The following HACE1 variants were observed in gnomAD, a reference collection of about 807,000 sequenced individuals.
The protein encoded by HACE1 is HECT domain and ankyrin repeat containing E3 ubiquitin protein ligase 1.
HACE1 carries 73 observed loss-of-function variants against 118.4 expected under a neutral mutation model. The ratio of observed to expected loss-of-function variants is 0.62; its 90% CI spans 0.51 to 0.75. The LOEUF (loss-of-function observed/expected upper bound fraction) is 0.75, where lower values mean the gene tolerates loss of function less well. Among genes scored for constraint, HACE1 ranks in the 30% least tolerant of loss-of-function variants. The pLI is 0.00. For missense variants in HACE1, 749 were observed against 1,102.2 expected (o/e 0.68, Z 4.54); for synonymous variants, 368 against 374.8 (o/e 0.98, Z 0.21).
chr6:104,858,407 A>G (rs1776955747), intron 1 of HACE1: 1 of 267,066 alleles, frequency 3.7e-6, no homozygotes, highest in African/African-American at 2.3e-5. Context: ...TTTTTCAAGA[A>G]GATTATCCCC....
intron 6 of HACE1, among the ~76,000 whole-genome samples, chr6:104,816,744 G>T (rs1049519745): frequency 6.6e-6 from 1 of 152,114 alleles, no homozygotes; most frequent in African/African-American, 2.4e-5. Flanking sequence ...AGCTTGCATA[G>T]TGCACCTGAA....
chr6:104,771,448 A>T (rs748578236), intron 18 of HACE1, 59 bp from the exon 19 acceptor site: 2 of 1,052,850 alleles, frequency 1.9e-6, no homozygotes, highest in Non-Finnish European at 2.9e-6. Flanking sequence ...TATCTATTTA[A>T]TGGTAAAATA....
chr6:104,780,664 C>A (rs1485612115), intron 14 of HACE1, among the ~76,000 whole-genome samples: 1 of 152,086 alleles, frequency 6.6e-6, no homozygotes, highest in African/African-American at 2.4e-5. Context: ...TTCCTACAAA[C>A]AAGGGAATTT....
intron 1 of HACE1, among the ~76,000 whole-genome samples, chr6:104,854,309 T>C (rs924328678): frequency 2.6e-5 from 4 of 152,126 alleles, no homozygotes; most frequent in Admixed American, 6.5e-5. Context: ...TAAATGACAT[T>C]AGTGGGAAAG....
chr6:104,801,527 A>G (rs1770349293), intron 7 of HACE1, among the ~76,000 whole-genome samples: 1 of 152,168 alleles, frequency 6.6e-6, no homozygotes, highest in Admixed American at 6.5e-5. Context: ...CTCGGCAGAA[A>G]CTCTACAAGC....
chr6:104,788,920 C>T (rs1782707932), intron 11 of HACE1, among the ~76,000 whole-genome samples: 2 of 151,906 alleles, frequency 1.3e-5, no homozygotes, highest in African/African-American at 4.8e-5. Flanking sequence ...GCCTATAAAC[C>T]CACTCATTCT....
At chr6:104,803,763 G>A (rs912600946) in intron 7 of HACE1, among the ~76,000 whole-genome samples, 53 of 152,114 alleles carry the variant, frequency 3.5e-4, no homozygotes, top group African/African-American at 8.9e-4. Context: ...ATATCATACT[G>A]AATGGGCAAA....
intron 7 of HACE1, among the ~76,000 whole-genome samples, chr6:104,800,137 G>C (rs1770151731): frequency 6.6e-6 from 1 of 152,076 alleles, no homozygotes; most frequent in Admixed American, 6.5e-5. Context: ...AGTCCTGCCA[G>C]GCTGCATGCA....
chr6:104,734,109 A>G (rs1211487538), intron 22 of HACE1, among the ~76,000 whole-genome samples: 1 of 143,554 alleles, frequency 7.0e-6, no homozygotes, highest in Non-Finnish European at 1.5e-5. Context: ...GCCGAGTGAG[A>G]TCCAGCCTGA....
chr6:104,779,817 A>C (rs917086931), intron 14 of HACE1, among the ~76,000 whole-genome samples: 3 of 152,102 alleles, frequency 2.0e-5, no homozygotes, highest in African/African-American at 7.2e-5. Flanking sequence ...CTACTTCAAG[A>C]GCTGTTAGGA....
chr6:104,846,631 A>C (rs1378194221), intron 4 of HACE1, among the ~76,000 whole-genome samples: 1 of 152,238 alleles, frequency 6.6e-6, no homozygotes, highest in Non-Finnish European at 1.5e-5. Flanking sequence ...CAGCCATCTG[A>C]TGACAGCTGA....
chr6:104,818,875 T>C (rs1582628994), intron 6 of HACE1, among the ~76,000 whole-genome samples: 1 of 152,078 alleles, frequency 6.6e-6, no homozygotes, highest in East Asian at 1.9e-4. Context: ...AACTAGGTAT[T>C]GAAGGAACAT....
intron 4 of HACE1, among the ~76,000 whole-genome samples, chr6:104,847,859 C>G (rs567202275): frequency 4.2e-4 from 63 of 151,788 alleles, no homozygotes; most frequent in African/African-American, 1.3e-3. Flanking sequence ...CCTCTGTTGT[C>G]CAGGCTGGAA....
At chr6:104,753,146 A>G (rs1414609045) in intron 19 of HACE1, among the ~76,000 whole-genome samples, 3 of 152,194 alleles carry the variant, frequency 2.0e-5, no homozygotes. Context: ...TTTTACTATG[A>G]ACACCCACTA....
intron 11 of HACE1, chr6:104,786,847 G>C (rs1782471557): frequency 6.6e-6 from 1 of 152,024 alleles, no homozygotes; most frequent in South Asian, 2.1e-4. Context: ...ATGTGCTACA[G>C]AAAGACTCAC....
intron 11 of HACE1, among the ~76,000 whole-genome samples, chr6:104,790,876 A>C (rs1397251983): frequency 2.6e-5 from 4 of 151,932 alleles, no homozygotes; most frequent in Non-Finnish European, 5.9e-5. Context: ...AGTCCTATTC[A>C]TTTTGTTTAC....
intron 18 of HACE1, 105 bp from the exon 19 acceptor site, chr6:104,771,494 A>G (rs962184962): frequency 2.1e-5 from 15 of 715,064 alleles, no homozygotes; most frequent in Admixed American, 1.1e-4. Context: ...ACTGCAAAAT[A>G]TAATACAATC....
chr6:104,842,897 A>G (rs1562493469), intron 5 of HACE1, among the ~76,000 whole-genome samples: 2 of 152,328 alleles, frequency 1.3e-5, no homozygotes, highest in African/African-American at 2.4e-5. Context: ...GAATCACTTG[A>G]GGCCAGAAGT....
At position 104,739,997 on chromosome 6, in the gene HACE1, C is replaced by T. The variant is rs1276330146; in HGVS notation, c.2513+4163G>A. Among the ~76,000 whole-genome samples the T allele has an allele frequency of 2.6e-4, 40 of 152,058 alleles. No individual in the cohort carries two copies. In the East Asian group the frequency reaches 6.6e-3, roughly 25 times the overall value. On this transcript the variant is annotated intron_variant, in intron 22 of 23. Coordinates refer to ENST00000262903, the MANE Select transcript of HACE1 (RefSeq NM_020771.4). ...AGACCACAGTGCAATCAAACTAGAA[C>T]TCAGGATTAAGAAACTCACTCAAAA...
Sources: allele counts gnomAD v4.1 joint callset (sites outside exome capture counted in the v4.1 genomes callset), GRCh38; gene constraint gnomAD v4.1.1; transcripts MANE v1.5; gene names NCBI Gene and HGNC (gene_info 2026-07-23, HGNC 2026-07-21).